The following THSD7A variants were observed in gnomAD, a reference collection of about 807,000 sequenced individuals.
THSD7A encodes the protein thrombospondin type 1 domain containing 7A, also known as thrombospondin type-1 domain-containing protein 7A.
A neutral mutation model predicts 231.3 loss-of-function variants in THSD7A; 96 were observed. The ratio of observed to expected loss-of-function variants is 0.41; its 90% confidence interval spans 0.35 to 0.49. The LOEUF is 0.49. THSD7A is among the 20% of genes least tolerant of loss of function. THSD7A has a pLI of 0.05. For missense variants in THSD7A, 2,290 were observed against 2,070.2 expected (o/e 1.11, Z -2.06); for synonymous variants, 940 against 743.3 (o/e 1.26, Z -4.30).
Position 11,406,419 on chromosome 7 carries a change from T to A in THSD7A, c.4118A>T (p.Asp1373Val), listed in dbSNP as rs1368853758. 8 of 1,613,816 alleles carry A rather than the reference T, an allele frequency of 5.0e-6. No individual in the cohort carries two copies. The South Asian group carries it at 8.8e-5, about 18-fold the overall frequency. ...TTTGCTGAAATCATCAGCTGACCCA[T>A]CACTTACTACACAAGAAATGTTCCT... is the stretch of plus-strand genomic sequence containing the variant. ...RTRNISCVVS[D>V]GSADDFSKVV... The change falls in exon 22 of 28, where the codon GAT (aspartate) becomes GTT (valine). Residue 1373 changes from aspartate (D) to valine (V), a missense_variant. Physicochemically the swap from Asp to Val is radical, Grantham distance 152. Transcript: ENST00000423059. This position sits in a 1 kb window ranked among gnomAD's most constrained non-coding sequence, Gnocchi z 4.7.
At chr7:11,759,670 C>G (rs933195420) in intron 1 of THSD7A, among the ~76,000 whole-genome samples, 1 of 151,934 alleles carries the variant, frequency 6.6e-6, no homozygotes, top group African/African-American at 2.4e-5. Context: ...ACACGATTAC[C>G]TAATCACACC....
intron 2 of THSD7A, among the ~76,000 whole-genome samples, chr7:11,607,706 T>C (rs1295794900): frequency 3.9e-5 from 6 of 152,178 alleles, no homozygotes; most frequent in East Asian, 1.9e-4. Flanking sequence ...TGCCCATTCC[T>C]TCATGGAATT....
chr7:11,399,067 T>G (rs1339548356), intron 23 of THSD7A, among the ~76,000 whole-genome samples: 1 of 152,206 alleles, frequency 6.6e-6, no homozygotes, highest in African/African-American at 2.4e-5. Context: ...AAAAGGGTTT[T>G]GTGGCTATCA....
At chr7:11,753,226 AT>A (rs1306371790) in intron 1 of THSD7A, among the ~76,000 whole-genome samples, 10 of 152,006 alleles carry the variant, frequency 6.6e-5, no homozygotes, top group African/African-American at 2.4e-4. Flanking sequence ...TTATATGAAA[AT>A]TATTGTTTTC....
rs1781892989 is a variant in THSD7A, at chr7:11,637,029, A to C, written c.191-68T>G. The C allele has an allele frequency of 3.5e-6, 5 of 1,436,990 alleles. No homozygotes were observed. The highest frequency in any genetic ancestry group is 4.7e-6 in the Non-Finnish European group (5 of 1,063,044). The allele number at this position is 1,436,990 out of a possible 1,614,324, so 89.0% of individuals were successfully genotyped here. ...AAAACTACAAGTTACTGCACATTCC[A>C]GAAAGACCTTTCAAGACCTAGTACA... On this transcript the variant is annotated intron_variant, in intron 1 of 27. Coordinates refer to ENST00000423059, the MANE Select transcript of THSD7A (RefSeq NM_015204.3). This position sits in a 1 kb window ranked among gnomAD's most constrained non-coding sequence, Gnocchi z 4.2.
At chr7:11,548,934 AACAAGACAAGAAT>A (rs1789512582) in intron 4 of THSD7A, among the ~76,000 whole-genome samples, 1 of 152,106 alleles carries the variant, frequency 6.6e-6, no homozygotes, top group Non-Finnish European at 1.5e-5. Flanking sequence ...TGAGAACTGG[AACAAGACAAGAAT>A]ACCCACTTGA....
rs200179876 is a variant in THSD7A at position 11,685,274 on chromosome 7, CA to C, written c.191-48314del. 1.7e-4 allele frequency among the ~76,000 whole-genome samples: 26 copies of C among 150,112 alleles called. No individual in the cohort carries two copies. The Middle Eastern group carries it at 0.014, about 80-fold the overall frequency. The stretch of plus-strand genomic sequence containing the variant: ...AAGACCTCAAACTATAAAAATCCTA[CA>C]AAAAAAAACTAGGAAGTACTCTTCT... On this transcript the variant is annotated intron_variant, in intron 1 of 27. Transcript: ENST00000423059.
At chr7:11,407,834 A>G (rs764917062) in intron 19 of THSD7A, among the ~76,000 whole-genome samples, 1 of 152,206 alleles carries the variant, frequency 6.6e-6, no homozygotes, top group African/African-American at 2.4e-5. Context: ...TTATTTTTAC[A>G]TATCTTAAAC....
In THSD7A at chr7:11,637,061, T is replaced by G; in HGVS notation, c.191-100A>C. 9.1e-7 allele frequency: 1 copy of G among 1,094,846 alleles called. No individual in the cohort carries two copies. The highest frequency in any genetic ancestry group is 1.3e-6 in the Non-Finnish European group (1 of 769,716). The allele number at this position is 1,094,846 out of a possible 1,614,324, so 67.8% of individuals were successfully genotyped here. On this transcript the variant is annotated intron_variant, in intron 1 of 27. Transcript: ENST00000423059. This position sits in a 1 kb window ranked among gnomAD's most constrained non-coding sequence, Gnocchi z 4.2. The stretch of plus-strand genomic sequence containing the variant: ...CCTTTCAAGACCTAGTACATTAACT[T>G]CCCTGCGGTGTTACAAAGTAGGTCT...
intron 1 of THSD7A, among the ~76,000 whole-genome samples, chr7:11,726,492 G>C (rs1371815601): frequency 6.6e-6 from 1 of 151,904 alleles, no homozygotes; most frequent in Non-Finnish European, 1.5e-5. Context: ...CCCACTTTTT[G>C]GTACTCAGTC....
intron 2 of THSD7A, among the ~76,000 whole-genome samples, chr7:11,595,095 C>T (rs940179224): frequency 2.0e-5 from 3 of 152,194 alleles, no homozygotes; most frequent in Non-Finnish European, 4.4e-5. Flanking sequence ...ATAAACCCTG[C>T]ACTGCCTGAG....
In THSD7A at chr7:11,636,444, C is replaced by G; in HGVS notation, c.708G>C (p.Thr236=). The part of the protein sequence containing the change: ...QFGGSGCPNL[T]EFQVCQSSPC... ...GACTGGATTGGCACACCTGGAACTC[C>G]GTCAGGTTTGGACAGCCAGAGCCTC... The change falls in exon 2 of 28, where the codon ACG becomes ACC. Residue 236 remains threonine (T), a synonymous_variant. Transcript: ENST00000423059. The surrounding 1 kb of genome is among the most constrained non-coding windows in gnomAD (Gnocchi z 10.0). 6.2e-7 allele frequency: 1 copy of G among 1,613,632 alleles called. No homozygotes were observed. Among genetic ancestry groups the G allele is most frequent in the Non-Finnish European group, 8.5e-7 (1 of 1,179,806 alleles).
At chr7:11,629,250 T>C (rs1781573106) in intron 2 of THSD7A, among the ~76,000 whole-genome samples, 1 of 152,170 alleles carries the variant, frequency 6.6e-6, no homozygotes, top group Non-Finnish European at 1.5e-5. Flanking sequence ...GAGGTGATAG[T>C]GGACCTCTAA....
At chr7:11,441,993 G>C (rs774232620) in intron 13 of THSD7A, among the ~76,000 whole-genome samples, 2 of 151,870 alleles carry the variant, frequency 1.3e-5, no homozygotes, top group Non-Finnish European at 2.9e-5. Context: ...TTAAAAAAAA[G>C]CATAAAAAAC....
At chr7:11,784,747 C>T (rs572882491) in intron 1 of THSD7A, among the ~76,000 whole-genome samples, 1 of 152,120 alleles carries the variant, frequency 6.6e-6, no homozygotes, top group East Asian at 1.9e-4. Context: ...TCGAATAATG[C>T]TGGTTGTAGT....
At chr7:11,640,563 T>C (rs1207971577) in intron 1 of THSD7A, among the ~76,000 whole-genome samples, 2 of 152,138 alleles carry the variant, frequency 1.3e-5, no homozygotes, top group African/African-American at 2.4e-5. Context: ...ATATTACATA[T>C]ATTTTGGATA....
rs540599848 is a variant in THSD7A, at chr7:11,455,511, T to G, written c.2605+5151A>C. On this transcript the variant is annotated intron_variant, in intron 11 of 27. Coordinates refer to ENST00000423059, the MANE Select transcript of THSD7A (RefSeq NM_015204.3). ...ATTGATATAAAATTCTGCTTCAGCA[T>G]TATGCCACTTTTCCTTTTAAATGTA... Among the ~76,000 whole-genome samples the G allele has an allele frequency of 2.6e-5, 4 of 152,160 alleles. No homozygotes were observed. The South Asian group carries it at 8.3e-4, about 32-fold the overall frequency.
At chr7:11,512,204 T>C (rs1787840154) in intron 6 of THSD7A, among the ~76,000 whole-genome samples, 1 of 152,268 alleles carries the variant, frequency 6.6e-6, no homozygotes, top group African/African-American at 2.4e-5. Context: ...TCACTGGCCA[T>C]CAGAGAAATG....
chr7:11,674,634 C>T (rs1396355304), intron 1 of THSD7A, among the ~76,000 whole-genome samples: 2 of 152,126 alleles, frequency 1.3e-5, no homozygotes, highest in Non-Finnish European at 2.9e-5. Context: ...ATTGATTATA[C>T]ACAACATACG....
Sources: allele counts gnomAD v4.1 joint callset (sites outside exome capture counted in the v4.1 genomes callset), GRCh38; gene constraint gnomAD v4.1.1; non-coding constraint Gnocchi (gnomAD v3.1); transcripts MANE v1.5; gene names NCBI Gene and HGNC (gene_info 2026-07-23, HGNC 2026-07-21).